The following CEP89 variants were observed in gnomAD, a reference collection of about 807,000 sequenced individuals.
The protein encoded by CEP89 is centrosomal protein of 89 kDa.
A neutral mutation model predicts 97.6 loss-of-function variants in CEP89; 95 were observed. The ratio of observed to expected loss-of-function variants is 0.97; its 90% confidence interval spans 0.82 to 1.15. The LOEUF (loss-of-function observed/expected upper bound fraction) is 1.15. Ranked by LOEUF, CEP89 falls within the 50% of genes most tolerant of loss-of-function variation. CEP89 has a pLI of 0.00. For synonymous variants in CEP89, 354 were observed against 349.1 expected, an observed-to-expected ratio of 1.01 and a Z score of -0.16; for missense variants, 869 against 947.7, an observed-to-expected ratio of 0.92 and a Z score of 1.09.
In CEP89 at chr19:32,878,977, ATT is replaced by A. The variant is rs1163191256; in HGVS notation, c.*183_*184del. On this transcript the variant is annotated 3_prime_UTR_variant, in exon 19 of 19. Transcript: ENST00000305768. ...ACCCTAGCTCTAAAAAAAAAAAAAA[ATT>A]AAAAAATAAAGCAAAATGTTATCAA... is the stretch of plus-strand genomic sequence containing the variant. The A allele has an allele frequency of 2.3e-3, 1,082 of 464,606 alleles. 9 individuals are homozygous for A. Among genetic ancestry groups the A allele is most frequent in the Non-Finnish European group, 3.3e-3 (890 of 266,910 alleles). 28.8% of individuals were successfully genotyped at this position (464,606 alleles called of 1,614,324 possible).
intron 9 of CEP89, among the ~76,000 whole-genome samples, chr19:32,928,192 A>G (rs1384422776): frequency 6.6e-6 from 1 of 152,106 alleles, no homozygotes; most frequent in Non-Finnish European, 1.5e-5. Context: ...CTGGGATTAT[A>G]GGTGTGAGTC....
rs139590938 is a variant in CEP89, at chr19:32,938,901, G to A, written c.624+956C>T. Among the ~76,000 whole-genome samples, 725 of 152,264 alleles carry A rather than the reference G, an allele frequency of 4.8e-3. 10 individuals carry two copies. The highest frequency in any genetic ancestry group is 7.4e-3 in the Admixed American group (113 of 15,286). On this transcript the variant is annotated intron_variant, in intron 6 of 18. Transcript: ENST00000305768. ...GGAGGCGGAGGTTGCAGTGAGCCGA[G>A]ACTGCGCCACTGCACTCCAGTCTGG...
intron 5 of CEP89, among the ~76,000 whole-genome samples, chr19:32,944,605 A>G (rs1474569798): frequency 6.6e-6 from 1 of 152,042 alleles, no homozygotes; most frequent in Admixed American, 6.6e-5. Flanking sequence ...GGAGAGGGAG[A>G]AGGCCTGGAG....
intron 18 of CEP89, among the ~76,000 whole-genome samples, chr19:32,879,921 A>G (rs971263938): frequency 3.9e-5 from 6 of 152,128 alleles, no homozygotes; most frequent in African/African-American, 1.2e-4. Flanking sequence ...TCAGGGGGTG[A>G]GGTGGGGGAC....
At chr19:32,892,546 T>G (rs1490202888) in intron 16 of CEP89, among the ~76,000 whole-genome samples, 1 of 151,924 alleles carries the variant, frequency 6.6e-6, no homozygotes, top group Non-Finnish European at 1.5e-5. Context: ...CCTCAGATGA[T>G]CTGCCTGCCT....
chr19:32,928,879 G>C (rs1970414869), intron 9 of CEP89, among the ~76,000 whole-genome samples: 1 of 152,172 alleles, frequency 6.6e-6, no homozygotes, highest in Non-Finnish European at 1.5e-5. Flanking sequence ...ACTGCCTCCA[G>C]ACAGAAAGCA....
In CEP89 at chr19:32,931,466, C is replaced by G. The variant is rs749149514; in HGVS notation, c.992G>C (p.Arg331Pro). Residue 331 changes from arginine to proline, a missense_variant, in exon 9 of 19, where the codon CGA (arginine) becomes CCA (proline). By Grantham distance (103) the Arg-to-Pro change is moderately radical. Coordinates refer to ENST00000305768, the MANE Select transcript of CEP89 (RefSeq NM_032816.5). ...CAAATGCCTGAATTTTGTCTGATAT[C>G]GACTGAGTTCTACATTCAAACGATG... ...TVHRLNVELSRYQTKFRHLSK... is the reference protein window; with the variant it reads ...TVHRLNVELSPYQTKFRHLSK... 2 of 1,591,168 alleles carry G rather than the reference C, an allele frequency of 1.3e-6. No individual in the cohort carries two copies.
chr19:32,912,384 T>C (rs1416330776), intron 14 of CEP89, among the ~76,000 whole-genome samples: 1 of 152,120 alleles, frequency 6.6e-6, no homozygotes, highest in East Asian at 1.9e-4. Context: ...GGAGATTTAC[T>C]CTCAGTAATG....
intron 2 of CEP89, among the ~76,000 whole-genome samples, chr19:32,962,039 T>C (rs577656821): frequency 6.5e-4 from 91 of 140,240 alleles, no homozygotes; most frequent in African/African-American, 2.3e-3. Flanking sequence ...AAAAATCAAA[T>C]TTCCATATGC....
rs1375142636 is a variant in CEP89 at position 32,915,415 on chromosome 19, T to A, written c.1487A>T (p.Lys496Ile). ...CGAGTGTGTTTTGAGTTCTTGGCAT[T>A]TGGCACGTAAAATCTCCAGCTGTTC... ...NREQLEILRAKCQELKTHSDG... is the reference protein window; with the variant it reads ...NREQLEILRAICQELKTHSDG... The change falls in exon 14 of 19, where the codon AAA (lysine) becomes ATA (isoleucine). Residue 496 changes from lysine to isoleucine, a missense_variant. Lys to Ile is a moderately radical substitution (Grantham distance 102). Transcript: ENST00000305768. The A allele has an allele frequency of 5.6e-6, 9 of 1,613,876 alleles. No individual in the cohort carries two copies. The highest frequency in any genetic ancestry group is 5.9e-6 in the Non-Finnish European group (7 of 1,179,968).
At chr19:32,879,632 G>A (rs1436915535) in intron 18 of CEP89, among the ~76,000 whole-genome samples, 1 of 152,172 alleles carries the variant, frequency 6.6e-6, no homozygotes, top group Admixed American at 6.5e-5. Context: ...GGAGCAGCAG[G>A]ACGGCACAGG....
At chr19:32,938,834 T>C (rs964257500) in intron 6 of CEP89, among the ~76,000 whole-genome samples, 2 of 152,000 alleles carry the variant, frequency 1.3e-5, no homozygotes, top group African/African-American at 2.4e-5. Context: ...CCTGTGGTCC[T>C]AGCTACTCGG....
At chr19:32,885,968 C>G (rs764708663) in intron 17 of CEP89, among the ~76,000 whole-genome samples, 3 of 152,072 alleles carry the variant, frequency 2.0e-5, no homozygotes, top group African/African-American at 7.2e-5. Context: ...TTTCTTAAAC[C>G]GCTTCTCTGT....
chr19:32,903,101 G>A (rs551565419), intron 14 of CEP89, among the ~76,000 whole-genome samples: 22 of 151,976 alleles, frequency 1.4e-4, no homozygotes, highest in African/African-American at 5.3e-4. Context: ...CAGCACTTTG[G>A]GAGGCTGAGG....
At chr19:32,958,191 A>C (rs1053124214) in intron 3 of CEP89, among the ~76,000 whole-genome samples, 2 of 152,118 alleles carry the variant, frequency 1.3e-5, no homozygotes, top group African/African-American at 4.8e-5. Flanking sequence ...AAAAAGGTTA[A>C]ATTCAAATAT....
chr19:32,948,325 AT>A lies in CEP89; in HGVS notation c.535del (p.Ile179PhefsTer27). 3 of 1,612,206 alleles carry A rather than the reference AT, an allele frequency of 1.9e-6. No homozygotes were observed. The highest frequency in any genetic ancestry group is 2.5e-6 in the Non-Finnish European group (3 of 1,179,168). ...GCCTGGAAACCCATCTTGATGAGAA[AT>A]ATTTTCATCGTCTTCACTGTTCACC... ...HEVNSEDDEN[I>X]SHQDGFPGSP... On this transcript the variant is annotated frameshift_variant, in exon 5 of 19. Transcript: ENST00000305768. LOFTEE classifies it high-confidence loss of function.
intron 12 of CEP89, among the ~76,000 whole-genome samples, chr19:32,921,673 G>A (rs968046109): frequency 6.6e-6 from 1 of 152,182 alleles, no homozygotes; most frequent in East Asian, 1.9e-4. Context: ...ATCTGCCAAG[G>A]TCTCTTGAGC....
chr19:32,939,238 G>A (rs780354018), intron 6 of CEP89, among the ~76,000 whole-genome samples: 5 of 152,066 alleles, frequency 3.3e-5, no homozygotes, highest in Admixed American at 6.6e-5. Context: ...GTCACAGAGG[G>A]AGATCCTGTC....
intron 5 of CEP89, among the ~76,000 whole-genome samples, chr19:32,941,890 G>A (rs866716589): frequency 6.6e-6 from 1 of 152,126 alleles, no homozygotes; most frequent in Admixed American, 6.5e-5. Flanking sequence ...AATTTCCAAT[G>A]AGCAAATGTT....
Sources: allele counts gnomAD v4.1 joint callset (sites outside exome capture counted in the v4.1 genomes callset), GRCh38; gene constraint gnomAD v4.1.1; transcripts MANE v1.5; gene names NCBI Gene and HGNC (gene_info 2026-07-23, HGNC 2026-07-21).